Variants in SRGAP3 observed in about 807,000 individuals in gnomAD.
The protein encoded by SRGAP3 is SLIT-ROBO Rho GTPase-activating protein 3.
SRGAP3 carries 39 observed loss-of-function variants against 121.1 expected under a neutral mutation model. That is an observed-to-expected ratio of 0.32 (90% CI 0.25 to 0.42). SRGAP3 has a LOEUF of 0.42. Ranked by LOEUF, SRGAP3 falls within the 10% of genes least tolerant of loss-of-function variation. The pLI is 1.00. For missense variants in SRGAP3, 1,213 were observed against 1,470.6 expected, an observed-to-expected ratio of 0.82 and a Z score of 2.86; for synonymous variants, 601 against 570.0, an observed-to-expected ratio of 1.05 and a Z score of -0.77.
intron 1 of SRGAP3, among the ~76,000 whole-genome samples, chr3:9,197,588 A>T (rs1208045863): frequency 6.6e-6 from 1 of 152,190 alleles, no homozygotes; most frequent in Non-Finnish European, 1.5e-5. Flanking sequence ...TCATATGGGT[A>T]TTATTATTTA....
chr3:9,011,168 A>G (rs1943353070), intron 17 of SRGAP3, among the ~76,000 whole-genome samples: 1 of 152,126 alleles, frequency 6.6e-6, no homozygotes, highest in Non-Finnish European at 1.5e-5. Context: ...AGGGAGAGGG[A>G]CAAGAAAAAA....
intron 3 of SRGAP3, among the ~76,000 whole-genome samples, chr3:9,265,522 T>C (rs1341267274): frequency 6.6e-6 from 1 of 151,476 alleles, no homozygotes; most frequent in African/African-American, 2.4e-5. Flanking sequence ...TTAAGCAAAT[T>C]TACAAGAAAA....
At position 9,025,426 on chromosome 3, in the gene SRGAP3, A is replaced by G. The variant is rs1944145002; in HGVS notation, c.1601-88T>C. 3.0e-6 allele frequency: 4 copies of G among 1,349,184 alleles called. No homozygotes were observed. The Admixed American group carries it at 5.1e-5, about 17-fold the overall frequency. The allele number at this position is 1,349,184 out of a possible 1,614,324, so 83.6% of individuals were successfully genotyped here. On this transcript the variant is annotated intron_variant, in intron 13 of 21. Coordinates refer to ENST00000383836, the MANE Select transcript of SRGAP3 (RefSeq NM_014850.4). Reference sequence around the variant, plus strand: ...ACCGGGAATATCAGTGACTCTCCCCATTGCTTGTCTCTTTCTCCCCCGATC... The same window carrying G: ...ACCGGGAATATCAGTGACTCTCCCCGTTGCTTGTCTCTTTCTCCCCCGATC...
intron 3 of SRGAP3, among the ~76,000 whole-genome samples, chr3:9,276,428 G>GT (rs61126627): frequency 0.051 from 6,870 of 134,680 alleles, 229 homozygotes; most frequent in South Asian, 0.1. Context: ...TTGACTGTTT[G>GT]TTTTTTTTTT....
intron 3 of SRGAP3, among the ~76,000 whole-genome samples, chr3:9,279,337 A>G (rs1159438313): frequency 6.6e-6 from 1 of 152,042 alleles, no homozygotes; most frequent in Non-Finnish European, 1.5e-5. Context: ...AAAAGGGGAT[A>G]AACAGGTGTC....
chr3:9,222,717 C>G (rs1283453414), intron 1 of SRGAP3, among the ~76,000 whole-genome samples: 1 of 152,202 alleles, frequency 6.6e-6, no homozygotes, highest in Non-Finnish European at 1.5e-5. Flanking sequence ...ACACAAATAT[C>G]ATGGTCGCAC....
At chr3:9,247,433 T>C (rs921791595) in intron 1 of SRGAP3, among the ~76,000 whole-genome samples, 1 of 152,166 alleles carries the variant, frequency 6.6e-6, no homozygotes, top group African/African-American at 2.4e-5. Context: ...GCTGGGCTTT[T>C]GACCAGGACT....
At chr3:9,211,411 T>C (rs1392075867) in intron 1 of SRGAP3, among the ~76,000 whole-genome samples, 1 of 152,158 alleles carries the variant, frequency 6.6e-6, no homozygotes, top group Non-Finnish European at 1.5e-5. Flanking sequence ...TATGACTAAT[T>C]CTATTCCCCA....
At chr3:9,297,107 A>G (rs919556282) in intron 3 of SRGAP3, among the ~76,000 whole-genome samples, 4 of 151,998 alleles carry the variant, frequency 2.6e-5, no homozygotes, top group Non-Finnish European at 5.9e-5. Flanking sequence ...GTGGTCTTGA[A>G]CTCCTGGGTT....
At chr3:8,987,801 G>A (rs341784) in intron 21 of SRGAP3, among the ~76,000 whole-genome samples, 27,688 of 152,104 alleles carry the variant, frequency 0.18, 3,206 homozygotes, top group Middle Eastern at 0.31. Context: ...TGCAGGAAGG[G>A]AGGGAAGGCA....
chr3:9,314,385 A>C (rs904059374), intron 3 of SRGAP3, among the ~76,000 whole-genome samples: 1 of 152,078 alleles, frequency 6.6e-6, no homozygotes, highest in Admixed American at 6.6e-5. Context: ...GGGAGACCCT[A>C]TCTCGAAGAA....
chr3:9,152,786 G>A (rs1321173282), intron 1 of SRGAP3, among the ~76,000 whole-genome samples: 1 of 152,190 alleles, frequency 6.6e-6, no homozygotes, highest in Non-Finnish European at 1.5e-5. Context: ...CTAGAAGACT[G>A]TCCTTGGCTG....
At chr3:9,133,369 A>T (rs936922084) in intron 1 of SRGAP3, among the ~76,000 whole-genome samples, 2 of 152,046 alleles carry the variant, frequency 1.3e-5, no homozygotes, top group African/African-American at 4.8e-5. Context: ...CTGTAATCCC[A>T]GCTAACTGTT....
At chr3:9,332,478 T>C (rs900081062) in intron 1 of SRGAP3, among the ~76,000 whole-genome samples, 11 of 152,148 alleles carry the variant, frequency 7.2e-5, no homozygotes, top group African/African-American at 2.7e-4. Context: ...AATTCCATGG[T>C]CAGAGAGTGA....
chr3:9,031,596 GC>G, intron 12 of SRGAP3, among the ~76,000 whole-genome samples: 1 of 152,212 alleles, frequency 6.6e-6, no homozygotes, highest in South Asian at 2.1e-4. Context: ...TGGGACCCAG[GC>G]TGGTCCTGCT....
At chr3:9,100,465 A>C (rs1259195999) in intron 3 of SRGAP3, among the ~76,000 whole-genome samples, 1 of 152,228 alleles carries the variant, frequency 6.6e-6, no homozygotes, top group Non-Finnish European at 1.5e-5. Context: ...GAAGACATGG[A>C]GAAGTTACAA....
chr3:9,339,525 A>G (rs1293300753), intron 1 of SRGAP3, among the ~76,000 whole-genome samples: 1 of 152,208 alleles, frequency 6.6e-6, no homozygotes, highest in Non-Finnish European at 1.5e-5. Flanking sequence ...AGCAGTGGCA[A>G]TGTGATATGT....
chr3:9,103,377 C>T (rs1284002900), intron 3 of SRGAP3, among the ~76,000 whole-genome samples: 1 of 152,098 alleles, frequency 6.6e-6, no homozygotes, highest in Non-Finnish European at 1.5e-5. Context: ...TGAGCACCTA[C>T]TAAGTGCCAA....
chr3:9,332,717 T>C (rs1240350201), intron 1 of SRGAP3, among the ~76,000 whole-genome samples: 8 of 152,230 alleles, frequency 5.3e-5, no homozygotes, highest in Admixed American at 3.3e-4. Flanking sequence ...TAGGATTTTC[T>C]TCCAAGCTTT....
Sources: allele counts gnomAD v4.1 joint callset (sites outside exome capture counted in the v4.1 genomes callset), GRCh38; gene constraint gnomAD v4.1.1; transcripts MANE v1.5; gene names NCBI Gene and HGNC (gene_info 2026-07-23, HGNC 2026-07-21).